Variants in RBFOX1 observed in about 807,000 individuals in gnomAD.
RBFOX1 encodes the protein RNA binding protein fox-1 homolog 1.
A neutral mutation model predicts 57.7 loss-of-function variants in RBFOX1; 8 were observed. The observed-to-expected ratio is 0.14, with a 90% CI of 0.08 to 0.25. The LOEUF (loss-of-function observed/expected upper bound fraction) is 0.25. Among genes scored for constraint, RBFOX1 ranks in the 10% least tolerant of loss-of-function variants. The probability of loss-of-function intolerance (pLI) is 1.00; values close to 1 mark genes in which losing one functional copy is unlikely to be tolerated. For missense variants in RBFOX1, 611 were observed against 548.5 expected (o/e 1.11, Z -1.14); for synonymous variants, 326 against 222.4 (o/e 1.47, Z -4.15).
At chr16:6,534,227 A>C (rs1234953218) in intron 2 of RBFOX1, among the ~76,000 whole-genome samples, 1 of 152,124 alleles carries the variant, frequency 6.6e-6, no homozygotes, top group Non-Finnish European at 1.5e-5. Context: ...AATAAAAAGA[A>C]ATGAATTGCT....
At position 7,460,395 on chromosome 16, in the gene RBFOX1, G is replaced by GTGTC. The variant is rs1462430720; in HGVS notation, c.28-57749_28-57748insCTGT. Among the ~76,000 whole-genome samples the GTGTC allele has an allele frequency of 3.3e-4, 23 of 70,678 alleles. 1 individual carries two copies. The highest frequency in any genetic ancestry group is 5.0e-4 in the Non-Finnish European group (21 of 41,634). 46.4% of individuals were successfully genotyped at this position (70,678 alleles called of 152,430 possible). On this transcript the variant is annotated intron_variant, in intron 4 of 15. Coordinates refer to ENST00000550418, the MANE Select transcript of RBFOX1 (RefSeq NM_018723.4). ...AATATATATATATATATATATGTGT[G>GTGTC]TGTGTGTGTGTGTGTGTGTGTGTAT...
At chr16:6,405,242 G>C (rs932188758) in intron 2 of RBFOX1, among the ~76,000 whole-genome samples, 1 of 152,202 alleles carries the variant, frequency 6.6e-6, no homozygotes, top group Non-Finnish European at 1.5e-5. Flanking sequence ...ATCACAGTTA[G>C]AGGGTGTTTT....
intron 3 of RBFOX1, among the ~76,000 whole-genome samples, chr16:6,887,312 G>C (rs1414412768): frequency 2.0e-5 from 3 of 152,180 alleles, no homozygotes; most frequent in African/African-American, 7.2e-5. Context: ...AAAGGGCTTT[G>C]ATGGTGGGAC....
chr16:7,055,168 T>A (rs898109349), intron 4 of RBFOX1, among the ~76,000 whole-genome samples: 1 of 152,190 alleles, frequency 6.6e-6, no homozygotes, highest in African/African-American at 2.4e-5. Flanking sequence ...GCAGGTCTTC[T>A]CATAGCCTTT....
chr16:5,457,348 T>G (rs1166935688), intron 1 of RBFOX1, among the ~76,000 whole-genome samples: 1 of 152,202 alleles, frequency 6.6e-6, no homozygotes, highest in East Asian at 1.9e-4. Flanking sequence ...TTGGCCAGGC[T>G]GGTCTCGAAC....
chr16:7,185,432 T>G (rs2083522788), intron 4 of RBFOX1, among the ~76,000 whole-genome samples: 1 of 152,180 alleles, frequency 6.6e-6, no homozygotes, highest in Non-Finnish European at 1.5e-5. Context: ...GACGCCATGG[T>G]TTTGTCTGCA....
chr16:7,551,866 G>T (rs542381646), intron 5 of RBFOX1, among the ~76,000 whole-genome samples: 73 of 152,178 alleles, frequency 4.8e-4, no homozygotes, highest in Middle Eastern at 3.4e-3. Context: ...GCCAAGATAG[G>T]TTTCATAAAG....
intron 3 of RBFOX1, among the ~76,000 whole-genome samples, chr16:6,767,920 T>TAAG (rs1471859952): frequency 1.5e-5 from 1 of 65,614 alleles, no homozygotes; most frequent in African/African-American, 6.7e-5. Context: ...ATCTCAATAA[T>TAAG]AATAATAATA....
Position 7,038,202 on chromosome 16 carries a change from G to C in RBFOX1, c.-15-13855G>C, listed in dbSNP as rs1277847269. Among the ~76,000 whole-genome samples, 5 of 152,100 alleles carry C rather than the reference G, an allele frequency of 3.3e-5. No homozygotes were observed. In the East Asian group the frequency reaches 5.8e-4, roughly 18 times the overall value. On this transcript the variant is annotated intron_variant, in intron 3 of 15. Transcript: ENST00000550418. ...CTATAGGGTAACGATGGTCCCAGGAGACCGGTTCAGGGAAGCATGCCAAGC... is the reference window on the plus strand; with the variant it reads ...CTATAGGGTAACGATGGTCCCAGGACACCGGTTCAGGGAAGCATGCCAAGC...
At chr16:7,101,960 A>G (rs1420057087) in intron 4 of RBFOX1, among the ~76,000 whole-genome samples, 4 of 152,148 alleles carry the variant, frequency 2.6e-5, no homozygotes, top group African/African-American at 4.8e-5. Flanking sequence ...GCCTTGTACC[A>G]CAAGCCTAGT....
At chr16:5,327,316 G>T (rs2064606577) in intron 1 of RBFOX1, among the ~76,000 whole-genome samples, 1 of 152,176 alleles carries the variant, frequency 6.6e-6, no homozygotes. Flanking sequence ...CTGGAGAGAA[G>T]CCTTGGGGAA....
intron 10 of RBFOX1, among the ~76,000 whole-genome samples, chr16:7,626,891 G>A (rs970604557): frequency 1.3e-5 from 2 of 152,118 alleles, no homozygotes; most frequent in African/African-American, 4.8e-5. Flanking sequence ...TAGGTGTTGG[G>A]GATGAAAAGA....
At chr16:7,435,051 G>A (rs576574450) in intron 4 of RBFOX1, among the ~76,000 whole-genome samples, 107 of 152,176 alleles carry the variant, frequency 7.0e-4, no homozygotes, top group Non-Finnish European at 1.2e-3. Flanking sequence ...CATATGGTAC[G>A]TTTATCACAA....
chr16:7,494,768 T>C (rs1317863942), intron 4 of RBFOX1, among the ~76,000 whole-genome samples: 1 of 150,206 alleles, frequency 6.7e-6, no homozygotes, highest in East Asian at 2.0e-4. Context: ...ATTCCGAAAC[T>C]CAGCAGAAGT....
At chr16:5,827,853 C>G (rs2056120320) in intron 3 of RBFOX1, among the ~76,000 whole-genome samples, 1 of 151,596 alleles carries the variant, frequency 6.6e-6, no homozygotes, top group African/African-American at 2.4e-5. Context: ...ATCCACCCAC[C>G]CACTCATCCA....
At chr16:7,699,816 T>C (rs1285594364) in intron 14 of RBFOX1, among the ~76,000 whole-genome samples, 3 of 152,158 alleles carry the variant, frequency 2.0e-5, no homozygotes, top group Non-Finnish European at 2.9e-5. Flanking sequence ...TATGTTTCTC[T>C]CAATCCCATT....
At chr16:7,341,486 C>A (rs184639059) in intron 4 of RBFOX1, among the ~76,000 whole-genome samples, 3 of 152,102 alleles carry the variant, frequency 2.0e-5, no homozygotes, top group African/African-American at 7.2e-5. Flanking sequence ...CCATGCCATT[C>A]GCAGTAGAGT....
In RBFOX1 at chr16:6,168,254, G is replaced by C. The variant is rs544644628; in HGVS notation, c.-127+148262G>C. Reference sequence around the variant, plus strand: ...ATCTGTTCACATGAGAAAGAAAGAAGAAATCGTGCATGGTGCGGAGGGTTT... The same window carrying C: ...ATCTGTTCACATGAGAAAGAAAGAACAAATCGTGCATGGTGCGGAGGGTTT... On this transcript the variant is annotated intron_variant, in intron 1 of 15. Coordinates refer to ENST00000550418, the MANE Select transcript of RBFOX1 (RefSeq NM_018723.4). Among the ~76,000 whole-genome samples the C allele has an allele frequency of 3.9e-5, 6 of 152,342 alleles. No individual in the cohort carries two copies. The South Asian group carries it at 1.2e-3, about 32-fold the overall frequency.
intron 1 of RBFOX1, among the ~76,000 whole-genome samples, chr16:6,178,901 T>C (rs1322667314): frequency 6.6e-6 from 1 of 152,220 alleles, no homozygotes; most frequent in Non-Finnish European, 1.5e-5. Context: ...CATAGCTGAA[T>C]ACTCTCATAT....
Sources: allele counts gnomAD v4.1 joint callset (sites outside exome capture counted in the v4.1 genomes callset), GRCh38; gene constraint gnomAD v4.1.1; transcripts MANE v1.5; gene names NCBI Gene and HGNC (gene_info 2026-07-23, HGNC 2026-07-21).